The following EYA4 variants were observed in gnomAD, a reference collection of about 807,000 sequenced individuals.
The protein encoded by EYA4 is protein phosphatase EYA4.
A neutral mutation model predicts 87.9 loss-of-function variants in EYA4; 31 were observed. The ratio of observed to expected loss-of-function variants is 0.35; its 90% CI spans 0.27 to 0.48. The LOEUF is 0.48. Among genes scored for constraint, EYA4 ranks in the 20% least tolerant of loss-of-function variants. The pLI is 0.99. For synonymous variants in EYA4, 263 were observed against 270.6 expected, an observed-to-expected ratio of 0.97 and a Z score of 0.28; for missense variants, 678 against 761.4, an observed-to-expected ratio of 0.89 and a Z score of 1.29.
chr6:133,344,332 G>A (rs1259518928), intron 2 of EYA4, among the ~76,000 whole-genome samples: 1 of 152,106 alleles, frequency 6.6e-6, no homozygotes, highest in African/African-American at 2.4e-5. Context: ...AGATATCTAT[G>A]CCCCTTTCCT....
intron 3 of EYA4, among the ~76,000 whole-genome samples, chr6:133,390,224 T>C (rs189109470): frequency 1.6e-3 from 232 of 148,542 alleles, no homozygotes; most frequent in African/African-American, 5.6e-3. Flanking sequence ...CTCTTATTTT[T>C]ATTTTTATTT....
intron 2 of EYA4, among the ~76,000 whole-genome samples, chr6:133,291,453 T>A (rs1031523183): frequency 2.0e-5 from 3 of 152,198 alleles, no homozygotes; most frequent in African/African-American, 4.8e-5. Context: ...CAGTGTTTTT[T>A]AAATAAACAT....
At chr6:133,391,475 A>G (rs907311038) in intron 3 of EYA4, among the ~76,000 whole-genome samples, 1 of 152,096 alleles carries the variant, frequency 6.6e-6, no homozygotes, top group African/African-American at 2.4e-5. Flanking sequence ...TTCATCTCTT[A>G]TTCATCTCTG....
chr6:133,479,579 T>C (rs1389468154), intron 11 of EYA4, among the ~76,000 whole-genome samples: 1 of 152,226 alleles, frequency 6.6e-6, no homozygotes, highest in African/African-American at 2.4e-5. Context: ...TGTTTTATTT[T>C]AATTTTTAAA....
At chr6:133,486,881 G>C (rs1796730515) in intron 13 of EYA4, among the ~76,000 whole-genome samples, 1 of 152,188 alleles carries the variant, frequency 6.6e-6, no homozygotes, top group Non-Finnish European at 1.5e-5. Context: ...ACACCAAATT[G>C]AATAAGTATC....
intron 3 of EYA4, among the ~76,000 whole-genome samples, chr6:133,426,282 C>T (rs77793961): frequency 0.028 from 4,202 of 152,214 alleles, 95 homozygotes; most frequent in Middle Eastern, 0.048. Context: ...AATAGGTACT[C>T]GGCAAATATT....
At chr6:133,424,815 CG>C (rs1790525105) in intron 3 of EYA4, among the ~76,000 whole-genome samples, 1 of 150,784 alleles carries the variant, frequency 6.6e-6, no homozygotes, top group Non-Finnish European at 1.5e-5. Context: ...GCAGTTTGGG[CG>C]GCTACAGTGG....
At chr6:133,274,639 C>T (rs891941701) in intron 1 of EYA4, 77 bp from the exon 2 acceptor site, 2 of 733,374 alleles carry the variant, frequency 2.7e-6, no homozygotes, top group Non-Finnish European at 4.8e-6. Flanking sequence ...CATGCTATGT[C>T]TTGATATGTT....
At chr6:133,323,770 A>G (rs900513737) in intron 2 of EYA4, among the ~76,000 whole-genome samples, 5 of 152,172 alleles carry the variant, frequency 3.3e-5, no homozygotes, top group African/African-American at 1.2e-4. Context: ...ACTGTGGTCA[A>G]AAATAATAAA....
intron 13 of EYA4, among the ~76,000 whole-genome samples, chr6:133,487,347 T>C (rs1300187135): frequency 2.6e-5 from 4 of 152,172 alleles, no homozygotes; most frequent in Non-Finnish European, 4.4e-5. Flanking sequence ...TCTGCTGGGC[T>C]TGAAGCCAGT....
At chr6:133,309,368 A>G (rs2128328555) in intron 2 of EYA4, among the ~76,000 whole-genome samples, 1 of 152,294 alleles carries the variant, frequency 6.6e-6, no homozygotes, top group South Asian at 2.1e-4. Flanking sequence ...TTATATGGTG[A>G]TCCAGAAGTA....
At chr6:133,426,592 C>G (rs1790693424) in intron 3 of EYA4, among the ~76,000 whole-genome samples, 1 of 152,170 alleles carries the variant, frequency 6.6e-6, no homozygotes, top group Non-Finnish European at 1.5e-5. Flanking sequence ...TGTTATTTCC[C>G]CATTAGATTC....
intron 3 of EYA4, among the ~76,000 whole-genome samples, chr6:133,442,464 T>C (rs1792403400): frequency 1.3e-5 from 2 of 152,130 alleles, no homozygotes; most frequent in African/African-American, 4.8e-5. Flanking sequence ...TGACTGAAGT[T>C]ATAATTTTTT....
intron 3 of EYA4, among the ~76,000 whole-genome samples, chr6:133,431,367 A>G (rs1184970421): frequency 6.6e-6 from 1 of 152,190 alleles, no homozygotes; most frequent in Non-Finnish European, 1.5e-5. Context: ...GCTTGGGGAG[A>G]TAAAGTTCAA....
At chr6:133,467,019 G>T (rs533968122) in intron 10 of EYA4, among the ~76,000 whole-genome samples, 1 of 152,184 alleles carries the variant, frequency 6.6e-6, no homozygotes, top group African/African-American at 2.4e-5. Context: ...AAATGGAAAC[G>T]AGGAGATAAA....
intron 2 of EYA4, among the ~76,000 whole-genome samples, chr6:133,377,564 GTT>G (rs145391738): frequency 0.42 from 48,901 of 116,300 alleles, 10,812 homozygotes; most frequent in Non-Finnish European, 0.53. Context: ...TTTCACATTA[GTT>G]TTTTTTTTTT....
rs886061094 is a variant in EYA4 at position 133,531,165 on chromosome 6, G to A, written c.*2360G>A. The A allele has an allele frequency of 6.6e-5, 101 of 1,534,096 alleles. No individual in the cohort carries two copies. Among genetic ancestry groups the A allele is most frequent in the East Asian group, 9.8e-5 (4 of 40,868 alleles). Reference sequence around the variant, plus strand: ...AGAAGCCGGCTGGTTGCATCACCCCGTGCAGTTTCTCACACACATCTCTTT... The same window carrying A: ...AGAAGCCGGCTGGTTGCATCACCCCATGCAGTTTCTCACACACATCTCTTT... On this transcript the variant is annotated 3_prime_UTR_variant, in exon 20 of 20. Coordinates refer to ENST00000355286, the MANE Select transcript of EYA4 (RefSeq NM_004100.5).
chr6:133,463,978 C>T lies in EYA4; in HGVS notation c.725-801C>T, dbSNP rs144901639. ...ACAGACAGTATTTTTTTTTTTTTCA[C>T]GAATACTTTCATACTGGTTATTCCA... On this transcript the variant is annotated intron_variant, in intron 9 of 19. Transcript: ENST00000355286. Among the ~76,000 whole-genome samples the T allele has an allele frequency of 1.2e-4, 18 of 149,690 alleles. No homozygotes were observed. The East Asian group carries it at 2.8e-3, about 23-fold the overall frequency.
chr6:133,252,105 G>A (rs1335032258), intron 1 of EYA4, among the ~76,000 whole-genome samples: 1 of 152,130 alleles, frequency 6.6e-6, no homozygotes, highest in Non-Finnish European at 1.5e-5. Flanking sequence ...AATCATCTAT[G>A]TGTCTTTTCT....
Sources: gnomAD v4.1 joint callset for allele counts (sites outside exome capture counted in the v4.1 genomes callset) on GRCh38, gnomAD v4.1.1 for gene constraint, MANE v1.5 for transcripts, NCBI Gene and HGNC (gene_info 2026-07-23, HGNC 2026-07-21) for gene names.